The following DNAH14 variants were observed in gnomAD, a reference collection of about 807,000 sequenced individuals.
DNAH14 encodes axonemal beta dynein heavy chain 14.
A neutral mutation model predicts 520.9 loss-of-function variants in DNAH14; 478 were observed. The ratio of observed to expected loss-of-function variants is 0.92; its 90% CI spans 0.85 to 0.99. The LOEUF (loss-of-function observed/expected upper bound fraction) is 0.99. Ranked by LOEUF, DNAH14 falls within the 50% of genes least tolerant of loss-of-function variation. The pLI is 0.00. For missense variants in DNAH14, 4,831 were observed against 5,234.5 expected (o/e 0.92, Z 2.38); for synonymous variants, 1,581 against 1,757.2 (o/e 0.90, Z 2.51).
rs111632220 is a variant in DNAH14 at position 225,156,587 on chromosome 1, A to C, written c.5274-2727A>C. Among the ~76,000 whole-genome samples, 409 of 152,314 alleles carry C rather than the reference A, an allele frequency of 2.7e-3. 2 individuals carry two copies. Among genetic ancestry groups the C allele is most frequent in the African/African-American group, 9.2e-3 (383 of 41,562 alleles). On this transcript the variant is annotated intron_variant, in intron 34 of 85. Transcript: ENST00000682510. Reference sequence around the variant, plus strand: ...GCAGTCACTTGGACACAATGACTCAAAGGTAGACACACTGTCACATCACCT... The same window carrying C: ...GCAGTCACTTGGACACAATGACTCACAGGTAGACACACTGTCACATCACCT...
At position 225,274,482 on chromosome 1, in the gene DNAH14, C is replaced by A. The variant is rs534183640; in HGVS notation, c.8010+1357C>A. Among the ~76,000 whole-genome samples, 116 of 152,294 alleles carry A rather than the reference C, an allele frequency of 7.6e-4. 1 individual carries two copies. The highest frequency in any genetic ancestry group is 2.7e-3 in the African/African-American group (112 of 41,564). On this transcript the variant is annotated intron_variant, in intron 52 of 85. Transcript: ENST00000682510. ...GTGCTGGGATTACAGGCGTGAGCCA[C>A]CGCGCCCGGCCGCATCTGTTATTTT...
intron 54 of DNAH14, among the ~76,000 whole-genome samples, chr1:225,287,042 A>G (rs141228962): frequency 6.6e-5 from 10 of 152,296 alleles, no homozygotes; most frequent in Non-Finnish European, 1.2e-4. Context: ...AACTATGGAA[A>G]TGGTAAAAAT....
chr1:225,269,351 T>C (rs948504544), intron 49 of DNAH14, among the ~76,000 whole-genome samples: 3 of 152,188 alleles, frequency 2.0e-5, no homozygotes. Context: ...AAGACTTAAA[T>C]GTTAGACCTA....
rs1297018128 is a variant in DNAH14 at position 225,080,389 on chromosome 1, C to T, written c.2777C>T (p.Pro926Leu). The change falls in exon 19 of 86, where the codon CCT (proline) becomes CTT (leucine). Residue 926 changes from proline to leucine, a missense_variant. Pro to Leu is a moderately conservative substitution (Grantham distance 98). Coordinates refer to ENST00000682510, the MANE Select transcript of DNAH14 (RefSeq NM_001367479.1). The stretch of plus-strand genomic sequence containing the variant: ...ACTCTTATTTTTTAGATAAGAACTC[C>T]TCTTCTGTTATGTGCTGGTACTCAA... Reference protein sequence around the residue: ...VGNLKAKIRTPLLLCAGTQVS... With the variant: ...VGNLKAKIRTLLLLCAGTQVS... 1.3e-6 allele frequency: 2 copies of T among 1,531,964 alleles called. No individual in the cohort carries two copies. Among genetic ancestry groups the T allele is most frequent in the Non-Finnish European group, 1.8e-6 (2 of 1,138,234 alleles). 94.9% of individuals were successfully genotyped at this position (1,531,964 alleles called of 1,614,324 possible).
intron 69 of DNAH14, among the ~76,000 whole-genome samples, chr1:225,345,558 A>C (rs2095273183): frequency 6.6e-6 from 1 of 152,246 alleles, no homozygotes. Flanking sequence ...AATAGAATAC[A>C]ATACAAAATA....
At chr1:225,394,440 T>C (rs2095974477) in intron 84 of DNAH14, among the ~76,000 whole-genome samples, 1 of 152,246 alleles carries the variant, frequency 6.6e-6, no homozygotes, top group African/African-American at 2.4e-5. Flanking sequence ...TAATGCTTTT[T>C]TATGTTCTGT....
intron 41 of DNAH14, among the ~76,000 whole-genome samples, chr1:225,225,890 A>G (rs1450588061): frequency 6.6e-6 from 1 of 152,060 alleles, no homozygotes; most frequent in Non-Finnish European, 1.5e-5. Flanking sequence ...AATGAAGGAA[A>G]TGTCCCTACA....
intron 43 of DNAH14, among the ~76,000 whole-genome samples, chr1:225,242,028 G>C (rs1377748329): frequency 1.3e-5 from 2 of 152,158 alleles, no homozygotes; most frequent in Non-Finnish European, 2.9e-5. Context: ...TTCAAGACTA[G>C]CTTGGGCAAC....
chr1:225,225,700 C>G (rs918285980), intron 41 of DNAH14, among the ~76,000 whole-genome samples: 2 of 152,206 alleles, frequency 1.3e-5, no homozygotes, highest in African/African-American at 4.8e-5. Context: ...TAAAGCCCCT[C>G]AAAACATAAA....
At chr1:225,257,541 C>T (rs1243900663) in intron 44 of DNAH14, among the ~76,000 whole-genome samples, 2 of 150,062 alleles carry the variant, frequency 1.3e-5, no homozygotes, top group Admixed American at 6.6e-5. Flanking sequence ...TCTTTTTTTT[C>T]TTTCTTTTTT....
intron 46 of DNAH14, among the ~76,000 whole-genome samples, 199 bp downstream of exon 46, chr1:225,259,452 A>G (rs2092855633): frequency 6.6e-6 from 1 of 152,166 alleles, no homozygotes; most frequent in Non-Finnish European, 1.5e-5. Flanking sequence ...TTTAATTGAC[A>G]AATGATAATT....
chr1:224,935,030 T>C (rs1253754327), intron 1 of DNAH14, among the ~76,000 whole-genome samples: 1 of 151,600 alleles, frequency 6.6e-6, no homozygotes. Flanking sequence ...AACCTGGAAG[T>C]AAAAGGATGA....
chr1:225,386,418 GA>G (rs1206203035), intron 81 of DNAH14, among the ~76,000 whole-genome samples: 1 of 152,180 alleles, frequency 6.6e-6, no homozygotes, highest in Non-Finnish European at 1.5e-5. Context: ...CACAGCAAAA[GA>G]AACTACCATC....
intron 23 of DNAH14, among the ~76,000 whole-genome samples, chr1:225,106,058 C>G (rs1388959501): frequency 7.1e-6 from 1 of 140,890 alleles, no homozygotes; most frequent in East Asian, 2.0e-4. Context: ...CCTTCAGGAG[C>G]ACTTTTAGGG....
chr1:225,025,547 C>G (rs1047692568), intron 11 of DNAH14, among the ~76,000 whole-genome samples: 4 of 150,840 alleles, frequency 2.7e-5, no homozygotes, highest in Non-Finnish European at 5.9e-5. Context: ...GTCTGGGCAA[C>G]AAAGCGAAAC....
At chr1:225,166,601 A>C (rs1035344030) in intron 35 of DNAH14, among the ~76,000 whole-genome samples, 1 of 152,214 alleles carries the variant, frequency 6.6e-6, no homozygotes, top group Admixed American at 6.5e-5. Context: ...TTATTTAAAA[A>C]TATTCTGTAG....
intron 66 of DNAH14, among the ~76,000 whole-genome samples, chr1:225,334,882 A>ATG (rs1448195104): frequency 3.1e-5 from 4 of 128,970 alleles, no homozygotes; most frequent in South Asian, 2.6e-4. Flanking sequence ...CTCTACATAT[A>ATG]TATGTGTGTG....
intron 23 of DNAH14, among the ~76,000 whole-genome samples, chr1:225,105,679 G>T (rs899893111): frequency 3.9e-5 from 6 of 152,150 alleles, no homozygotes; most frequent in South Asian, 2.1e-4. Flanking sequence ...TTGGTTTAAA[G>T]TCTGTTTTAT....
At chr1:225,292,042 G>A (rs560104245) in intron 55 of DNAH14, among the ~76,000 whole-genome samples, 2 of 151,984 alleles carry the variant, frequency 1.3e-5, no homozygotes, top group African/African-American at 2.4e-5. Context: ...TCTGTAGTTT[G>A]TCTTTTCATT....
Sources: allele counts gnomAD v4.1 joint callset (sites outside exome capture counted in the v4.1 genomes callset), GRCh38; gene constraint gnomAD v4.1.1; transcripts MANE v1.5; gene names NCBI Gene and HGNC (gene_info 2026-07-23, HGNC 2026-07-21).